SH3KBP1: variants seen among roughly 807,000 people sequenced by gnomAD.
SH3KBP1 encodes SH3 domain-containing kinase-binding protein 1.
A neutral mutation model predicts 50.1 loss-of-function variants in SH3KBP1; 8 were observed. The observed-to-expected ratio is 0.16, with a 90% CI of 0.09 to 0.29. SH3KBP1 has a LOEUF of 0.29. Among genes scored for constraint, SH3KBP1 ranks in the 10% least tolerant of loss-of-function variants. The pLI is 1.00. For synonymous variants in SH3KBP1, 227 were observed against 218.6 expected (o/e 1.04, Z -0.34); for missense variants, 377 against 535.2 (o/e 0.70, Z 2.92).
chrX:19,550,540 C>A (rs1463152941), intron 13 of SH3KBP1, among the ~76,000 whole-genome samples: 1 of 111,630 alleles, frequency 9.0e-6, no homozygotes. Context: ...CAGTCCTGCT[C>A]CTCTGCACTT....
At chrX:19,826,685 A>AATAAT (rs2067683618) in intron 2 of SH3KBP1, among the ~76,000 whole-genome samples, 1 of 89,668 alleles carries the variant, frequency 1.1e-5, no homozygotes. Flanking sequence ...ACTGTCTCTA[A>AATAAT]ATAACATAAC....
intron 12 of SH3KBP1, among the ~76,000 whole-genome samples, chrX:19,581,581 G>A (rs1442219086): frequency 7.2e-5 from 8 of 111,208 alleles, no homozygotes; most frequent in South Asian, 3.8e-4. Context: ...GACACCTCAC[G>A]GAGTGATCAG....
chrX:19,887,229 C>T (rs2069620251), intron 1 of SH3KBP1, 78 bp downstream of exon 1: 2 of 892,169 alleles, frequency 2.2e-6, no homozygotes, highest in Non-Finnish European at 2.8e-6. Context: ...GGCGCCCTCC[C>T]GGGCTCCGCG....
chrX:19,776,696 C>T (rs2065994034), intron 2 of SH3KBP1, among the ~76,000 whole-genome samples: 1 of 107,854 alleles, frequency 9.3e-6, no homozygotes, highest in East Asian at 2.9e-4. Flanking sequence ...CACAAGCGCA[C>T]ACCACCATGT....
At chrX:19,829,989 T>C (rs903184165) in intron 2 of SH3KBP1, among the ~76,000 whole-genome samples, 1 of 111,125 alleles carries the variant, frequency 9.0e-6, no homozygotes, top group African/African-American at 3.3e-5. Context: ...CATGGCACCG[T>C]TGGGAGTGTA....
At chrX:19,658,822 G>A (rs1176610962) in intron 6 of SH3KBP1, among the ~76,000 whole-genome samples, 1 of 111,407 alleles carries the variant, frequency 9.0e-6, no homozygotes, top group African/African-American at 3.3e-5. Context: ...CTCCTAAAGC[G>A]CTGGGATTAC....
At chrX:19,573,056 G>A (rs974055994) in intron 12 of SH3KBP1, among the ~76,000 whole-genome samples, 1 of 111,757 alleles carries the variant, frequency 8.9e-6, no homozygotes, top group African/African-American at 3.3e-5. Context: ...GTGAACATTT[G>A]CCAGATTTTC....
intron 1 of SH3KBP1, among the ~76,000 whole-genome samples, chrX:19,860,807 G>C (rs746138483): frequency 3.9e-4 from 43 of 110,988 alleles, no homozygotes; most frequent in Non-Finnish European, 1.9e-5. Context: ...GAGGAACCTA[G>C]AACAACCACA....
chrX:19,887,259 G>A (rs1439950481), intron 1 of SH3KBP1, 48 bp downstream of exon 1: 2 of 961,989 alleles, frequency 2.1e-6, no homozygotes. Context: ...CTGGCGCGCC[G>A]CCCTCAAGGC....
chrX:19,861,542 AG>A (rs1188618746), intron 1 of SH3KBP1, among the ~76,000 whole-genome samples: 1 of 112,063 alleles, frequency 8.9e-6, no homozygotes, highest in Non-Finnish European at 1.9e-5. Flanking sequence ...ATCAAGGTTA[AG>A]GCACTTTTGC....
rs1337582070 is a variant in SH3KBP1, at chrX:19,534,273, G to C, written c.*2144C>G. 1 of 109,662 alleles carries C rather than the reference G, an allele frequency of 9.1e-6. No individual in the cohort carries two copies. The highest frequency in any genetic ancestry group is 1.9e-5 in the Non-Finnish European group (1 of 52,667). 9.0% of individuals were successfully genotyped at this position (109,662 alleles called of 1,213,427 possible). A position where few individuals can be genotyped will look rare whatever the true frequency, so the allele number is the denominator to read the frequency against. ...AGCCCGAGGGGCCGCAATGAAGCTA[G>C]ACATACCAACTTCTCCTTCCAGAAT... On this transcript the variant is annotated 3_prime_UTR_variant, in exon 18 of 18. Coordinates refer to ENST00000397821, the MANE Select transcript of SH3KBP1 (RefSeq NM_031892.3).
At chrX:19,755,877 G>A (rs1384101515) in intron 2 of SH3KBP1, among the ~76,000 whole-genome samples, 3 of 111,116 alleles carry the variant, frequency 2.7e-5, no homozygotes, top group African/African-American at 6.6e-5. Context: ...TCTGATTACC[G>A]CTGCATGCAG....
At chrX:19,815,358 C>T (rs1170765186) in intron 2 of SH3KBP1, among the ~76,000 whole-genome samples, 4 of 110,911 alleles carry the variant, frequency 3.6e-5, no homozygotes, top group Admixed American at 1.9e-4. Flanking sequence ...CTTACAAAAA[C>T]GGTGCATGGA....
In SH3KBP1 at chrX:19,836,245, G is replaced by A. The variant is rs7882276; in HGVS notation, c.42C>T (p.His14=). 4.2e-3 allele frequency: 5,135 copies of A among 1,208,499 alleles called. 138 individuals carry two copies. In the African/African-American group the frequency reaches 0.076, roughly 18 times the overall value. Residue 14 remains histidine, a synonymous_variant, in exon 2 of 18, where the codon CAC becomes CAT. Transcript: ENST00000397821. ...AIVEFDYQAQ[H]DDELTISVGE... Reference sequence around the variant, plus strand: ...CCACGCTGATCGTCAGCTCATCATCGTGCTGGGCCTGGTAGTCAAACTCCA... The same window carrying A: ...CCACGCTGATCGTCAGCTCATCATCATGCTGGGCCTGGTAGTCAAACTCCA...
intron 6 of SH3KBP1, among the ~76,000 whole-genome samples, chrX:19,645,934 G>A (rs900548341): frequency 2.7e-5 from 3 of 111,405 alleles, no homozygotes; most frequent in African/African-American, 9.8e-5. Context: ...AGGGCAGGAC[G>A]GGCAGGCAGG....
At chrX:19,765,479 C>T (rs1479605686) in intron 2 of SH3KBP1, among the ~76,000 whole-genome samples, 4 of 111,101 alleles carry the variant, frequency 3.6e-5, no homozygotes, top group East Asian at 2.8e-4. Flanking sequence ...CTTCAATGCT[C>T]GCTCTCTCTC....
chrX:19,693,115 A>G (rs1017951725), intron 5 of SH3KBP1, among the ~76,000 whole-genome samples: 4 of 111,912 alleles, frequency 3.6e-5, no homozygotes, highest in Admixed American at 9.5e-5. Context: ...TCCCCATGGG[A>G]CTGGCCTCTT....
intron 1 of SH3KBP1, among the ~76,000 whole-genome samples, chrX:19,881,693 A>T (rs1304551978): frequency 9.0e-6 from 1 of 111,727 alleles, no homozygotes; most frequent in Non-Finnish European, 1.9e-5. Flanking sequence ...AATAGGCGAC[A>T]CCTGAATTGG....
chrX:19,678,348 G>GT (rs1569413232), intron 6 of SH3KBP1, among the ~76,000 whole-genome samples: 6 of 103,888 alleles, frequency 5.8e-5, no homozygotes, highest in African/African-American at 1.9e-4. Context: ...AATTCCAGGA[G>GT]GTTTTTTTTT....
Sources: gnomAD v4.1 joint callset for allele counts (sites outside exome capture counted in the v4.1 genomes callset) on GRCh38, gnomAD v4.1.1 for gene constraint, MANE v1.5 for transcripts, NCBI Gene and HGNC (gene_info 2026-07-23, HGNC 2026-07-21) for gene names.